Variants in FOCAD observed in about 807,000 individuals in gnomAD.
FOCAD encodes KIAA1797.
FOCAD carries 198 observed loss-of-function variants against 225.6 expected under a neutral mutation model. The ratio of observed to expected loss-of-function variants is 0.88; its 90% confidence interval spans 0.78 to 0.99. The LOEUF is 0.99. FOCAD is among the 50% of genes least tolerant of loss of function. The pLI, the probability that FOCAD is intolerant of heterozygous loss-of-function variation, is 0.00. For missense variants in FOCAD, 2,713 were observed against 2,123.6 expected, an observed-to-expected ratio of 1.28 and a Z score of -5.46; for synonymous variants, 897 against 755.0, an observed-to-expected ratio of 1.19 and a Z score of -3.08.
chr9:20,791,897 C>G (rs1318832660), intron 11 of FOCAD, among the ~76,000 whole-genome samples: 3 of 152,136 alleles, frequency 2.0e-5, no homozygotes, highest in Non-Finnish European at 2.9e-5. Context: ...AAATGTAAAG[C>G]AGAACTTCTC....
chr9:20,957,937 G>A (rs1245457404), intron 35 of FOCAD, among the ~76,000 whole-genome samples: 5 of 152,078 alleles, frequency 3.3e-5, no homozygotes, highest in African/African-American at 9.6e-5. Flanking sequence ...AGGCCTCGTT[G>A]CCCTTCAAAA....
At chr9:20,810,022 A>T (rs62557559) in intron 11 of FOCAD, among the ~76,000 whole-genome samples, 31,746 of 152,110 alleles carry the variant, frequency 0.21, 3,525 homozygotes, top group South Asian at 0.34. Context: ...CTCTAAAAGA[A>T]CTCACAAGAC....
chr9:20,664,077 A>G (rs1398164442), intron 2 of FOCAD, among the ~76,000 whole-genome samples: 1 of 152,088 alleles, frequency 6.6e-6, no homozygotes, highest in Non-Finnish European at 1.5e-5. Flanking sequence ...TGTTGTTTTT[A>G]TTAATTATTA....
intron 1 of FOCAD, among the ~76,000 whole-genome samples, chr9:20,710,596 C>CAA (rs879602369): frequency 7.2e-6 from 1 of 139,190 alleles, no homozygotes; most frequent in African/African-American, 2.7e-5. Context: ...AACTCTGTCT[C>CAA]AAAAAAAAAA....
chr9:20,703,474 A>G (rs772476472), intron 1 of FOCAD, among the ~76,000 whole-genome samples: 13 of 152,050 alleles, frequency 8.5e-5, no homozygotes, highest in Non-Finnish European at 1.3e-4. Context: ...ATATGAGTTA[A>G]AAGTCAACTG....
rs776020977 is a variant in FOCAD, at chr9:20,874,735, G to T, written c.2245G>T (p.Asp749Tyr). 3.7e-6 allele frequency: 6 copies of T among 1,613,576 alleles called. No individual in the cohort carries two copies. The South Asian group carries it at 6.6e-5, about 18-fold the overall frequency. Residue 749 changes from aspartate (D) to tyrosine (Y), a missense_variant, in exon 19 of 44, where the codon GAT becomes TAT. By Grantham distance (160) the Asp-to-Tyr change is radical. Coordinates refer to ENST00000338382, the MANE Select transcript of FOCAD (RefSeq NM_001375567.1). ...GTTAGATGACGATGAAGATGTTGAG[G>T]ATGTGGATCTTTCAGTTCCTGGCTC... ...EELDDDEDVE[D>Y]VDLSVPGSCY...
At chr9:20,749,102 C>CG (rs1828317567) in intron 5 of FOCAD, among the ~76,000 whole-genome samples, 1 of 152,070 alleles carries the variant, frequency 6.6e-6, no homozygotes, top group African/African-American at 2.4e-5. Context: ...TGTTTCCCCC[C>CG]AACCAATTAC....
At chr9:20,932,729 G>A (rs1835596528) in intron 27 of FOCAD, among the ~76,000 whole-genome samples, 1 of 152,050 alleles carries the variant, frequency 6.6e-6, no homozygotes, top group Admixed American at 6.6e-5. Context: ...ATTTTTCAAT[G>A]GCTTAAAATT....
chr9:20,726,011 A>C (rs1287827705), intron 4 of FOCAD, among the ~76,000 whole-genome samples: 1 of 152,220 alleles, frequency 6.6e-6, no homozygotes, highest in Non-Finnish European at 1.5e-5. Context: ...GGTGAAGGAA[A>C]GAAGGGGACC....
intron 2 of FOCAD, among the ~76,000 whole-genome samples, chr9:20,661,299 G>A (rs117507275): frequency 0.015 from 2,236 of 152,304 alleles, 23 homozygotes; most frequent in Non-Finnish European, 0.02. Context: ...TGAAATTGTA[G>A]TGTCAGCACC....
intron 13 of FOCAD, among the ~76,000 whole-genome samples, 186 bp from the exon 14 acceptor site, chr9:20,820,755 A>C (rs915722489): frequency 1.3e-5 from 2 of 152,162 alleles, no homozygotes; most frequent in African/African-American, 4.8e-5. Context: ...TGAAATCAAC[A>C]GTACATTGGT....
At chr9:20,670,509 A>G (rs911581373) in intron 2 of FOCAD, among the ~76,000 whole-genome samples, 1 of 152,168 alleles carries the variant, frequency 6.6e-6, no homozygotes, top group Non-Finnish European at 1.5e-5. Context: ...AGGAGAGAGA[A>G]TAGAGAAAGG....
Position 20,933,065 on chromosome 9 carries a change from C to A in FOCAD, c.3369C>A (p.Ala1123=). 1 of 1,613,842 alleles carries A rather than the reference C, an allele frequency of 6.2e-7. No homozygotes were observed. The highest frequency in any genetic ancestry group is 1.1e-5 in the South Asian group (1 of 91,070). Residue 1123 remains alanine, a synonymous_variant, in exon 28 of 44, where the codon GCC becomes GCA. Coordinates refer to ENST00000338382, the MANE Select transcript of FOCAD (RefSeq NM_001375567.1). ...TTCTTCTGATGAAGTCGTTGGATGCCCTGGAAAATTGCTGCTTTGACACTA... is the reference window on the plus strand; with the variant it reads ...TTCTTCTGATGAAGTCGTTGGATGCACTGGAAAATTGCTGCTTTGACACTA... ...MNLLLMKSLD[A]LENCCFDTSL... is the part of the protein sequence containing the mutation.
chr9:20,878,293 C>G (rs906628414), intron 19 of FOCAD, among the ~76,000 whole-genome samples: 6 of 152,102 alleles, frequency 3.9e-5, no homozygotes, highest in Admixed American at 3.9e-4. Flanking sequence ...GGGGAGATTT[C>G]TTGTGTTTTT....
At chr9:20,750,717 A>C (rs78848760) in intron 5 of FOCAD, among the ~76,000 whole-genome samples, 4 of 152,204 alleles carry the variant, frequency 2.6e-5, no homozygotes, top group African/African-American at 9.6e-5. Flanking sequence ...CTTCCTGGAC[A>C]TAACACTTCC....
At position 20,844,867 on chromosome 9, in the gene FOCAD, T is replaced by C. The variant is rs1327746675; in HGVS notation, c.1921-17711T>C. Among the ~76,000 whole-genome samples, 5 of 152,316 alleles carry C rather than the reference T, an allele frequency of 3.3e-5. No homozygotes were observed. In the East Asian group the frequency reaches 9.7e-4, roughly 29 times the overall value. On this transcript the variant is annotated intron_variant, in intron 15 of 43. Transcript: ENST00000338382. ...TTATTGAGTGATTTTTGTTTCTCTT[T>C]CGTGAAATTTTCCTATCCCTTAGGT...
intron 5 of FOCAD, among the ~76,000 whole-genome samples, chr9:20,745,252 G>A (rs1563937107): frequency 6.6e-6 from 1 of 151,982 alleles, no homozygotes; most frequent in South Asian, 2.1e-4. Flanking sequence ...TGGGACTACA[G>A]GTGCGACACT....
chr9:20,925,636 C>A (rs937275280), intron 25 of FOCAD, among the ~76,000 whole-genome samples: 1 of 152,178 alleles, frequency 6.6e-6, no homozygotes. Flanking sequence ...ATTCCAGTTA[C>A]CATGTGAGTT....
intron 11 of FOCAD, among the ~76,000 whole-genome samples, chr9:20,800,869 A>G (rs1821739659): frequency 6.6e-6 from 1 of 152,020 alleles, no homozygotes; most frequent in Admixed American, 6.5e-5. Context: ...TTCTCCATCC[A>G]GCTTTGTTCT....
Sources: allele counts gnomAD v4.1 joint callset (sites outside exome capture counted in the v4.1 genomes callset), GRCh38; gene constraint gnomAD v4.1.1; transcripts MANE v1.5; gene names NCBI Gene and HGNC (gene_info 2026-07-23, HGNC 2026-07-21).